Variants in FOSB observed in about 807,000 individuals in gnomAD.
The protein encoded by FOSB is protein FosB.
FOSB carries 8 observed loss-of-function variants against 31.1 expected under a neutral mutation model. The ratio of observed to expected loss-of-function variants is 0.26; its 90% CI spans 0.15 to 0.46. The LOEUF (loss-of-function observed/expected upper bound fraction) is 0.46. Ranked by LOEUF, FOSB falls within the 20% of genes least tolerant of loss-of-function variation. The pLI is 0.99. For synonymous variants in FOSB, 214 were observed against 206.1 expected (o/e 1.04, Z -0.33); for missense variants, 376 against 460.6 (o/e 0.82, Z 1.68).
Position 45,468,404 on chromosome 19 carries a change from G to A in FOSB, c.-183G>A, listed in dbSNP as rs1967493696. On this transcript the variant is annotated 5_prime_UTR_variant, in exon 1 of 4. Transcript: ENST00000353609. This position sits in a 1 kb window ranked among gnomAD's most constrained non-coding sequence, Gnocchi z 4.8. The stretch of plus-strand genomic sequence containing the variant: ...AAGACTGCACAGAAACTTTGCCATT[G>A]TTGGAACGGGACGTTGCTCCTTCCC... 3.0e-6 allele frequency: 2 copies of A among 656,514 alleles called. No individual in the cohort carries two copies. Among genetic ancestry groups the A allele is most frequent in the East Asian group, 5.5e-5 (2 of 36,622 alleles). The allele number at this position is 656,514 out of a possible 1,614,324, so 40.7% of individuals were successfully genotyped here.
rs1388551773 is a variant in FOSB at position 45,470,915 on chromosome 19, C to T, written c.413C>T (p.Ala138Val). 6.2e-7 allele frequency: 1 copy of T among 1,613,300 alleles called. No individual in the cohort carries two copies. The highest frequency in any genetic ancestry group is 2.2e-5 in the East Asian group (1 of 44,880). The change falls in exon 2 of 4, where the codon GCC (alanine) becomes GTC (valine). Residue 138 changes from alanine to valine, a missense_variant. Ala to Val is a moderately conservative substitution (Grantham distance 64). Transcript: ENST00000353609. ...AGTGGGCCTGGGCCTGCCCGCCCAG[C>T]CCGAGCCCGGCCTAGGAGACCCCGA... is the stretch of plus-strand genomic sequence containing the variant. ...TTSGPGPARP[A>V]RARPRRPREE... is the part of the protein sequence containing the mutation.
chr19:45,471,562 T>A, intron 3 of FOSB: 1 of 334,226 alleles, frequency 3.0e-6, no homozygotes. Flanking sequence ...AGGGGCCACA[T>A]GGGGCCCTTG....
intron 1 of FOSB, chr19:45,469,829 G>A (rs973169725): frequency 6.6e-6 from 1 of 152,502 alleles, no homozygotes; most frequent in Non-Finnish European, 1.5e-5. Flanking sequence ...GGGTTCCCAG[G>A]ACTCTGATTG....
At chr19:45,471,118 G>A in intron 2 of FOSB, 76 bp from the exon 3 acceptor site, 1 of 1,421,504 alleles carries the variant, frequency 7.0e-7, no homozygotes, top group Non-Finnish European at 9.7e-7. Context: ...TGGGGGTTCT[G>A]AAAGAAGTAG....
chr19:45,473,113 G>T lies in FOSB; in HGVS notation c.*101G>T, dbSNP rs1967740548. On this transcript the variant is annotated 3_prime_UTR_variant, in exon 4 of 4. Transcript: ENST00000353609. ...GAGAGAGAGGGGAAGAGACAAAGTG[G>T]GTGTGTGGCCTCCCTGGCTCCTCCG... The T allele has an allele frequency of 2.7e-6, 3 of 1,127,324 alleles. No homozygotes were observed. Among genetic ancestry groups the T allele is most frequent in the African/African-American group, 1.5e-5 (1 of 65,248 alleles). 69.8% of individuals were successfully genotyped at this position (1,127,324 alleles called of 1,614,324 possible).
chr19:45,470,978 G>C, intron 2 of FOSB, 29 bp downstream of exon 2: 1 of 1,604,636 alleles, frequency 6.2e-7, no homozygotes, highest in Non-Finnish European at 8.5e-7. Context: ...AACTTGGCCT[G>C]GGTAGGGGGA....
At position 45,471,177 on chromosome 19, in the gene FOSB, C is replaced by T. The variant is rs757024921; in HGVS notation, c.448-17C>T. The T allele has an allele frequency of 2.6e-6, 4 of 1,551,500 alleles. No homozygotes were observed. Among genetic ancestry groups the T allele is most frequent in the Non-Finnish European group, 3.5e-6 (4 of 1,145,738 alleles). ...GCTGTATCCCCAAATCTCATGGCCT[C>T]TATCTCCCTGACTCAGCTCACCCCA... On this transcript the variant is annotated splice_polypyrimidine_tract_variant and intron_variant, in intron 2 of 3. Coordinates refer to ENST00000353609, the MANE Select transcript of FOSB (RefSeq NM_006732.3).
chr19:45,468,557 G>A lies in FOSB; in HGVS notation c.-30G>A. ...CTTGGCTTCCCGGCGACCTCAGCGTGGTCACAGGGGCCCCCCTGTGCCCAG... is the reference window on the plus strand; with the variant it reads ...CTTGGCTTCCCGGCGACCTCAGCGTAGTCACAGGGGCCCCCCTGTGCCCAG... On this transcript the variant is annotated 5_prime_UTR_variant, in exon 1 of 4. Transcript: ENST00000353609. This position sits in a 1 kb window ranked among gnomAD's most constrained non-coding sequence, Gnocchi z 4.8. The A allele has an allele frequency of 6.3e-7, 1 of 1,587,460 alleles. No homozygotes were observed. Among genetic ancestry groups the A allele is most frequent in the Non-Finnish European group, 8.5e-7 (1 of 1,170,664 alleles).
At chr19:45,470,406 G>T in intron 1 of FOSB, 3 of 555,476 alleles carry the variant, frequency 5.4e-6, no homozygotes, top group Non-Finnish European at 6.4e-6. Flanking sequence ...CGAGGAAGAA[G>T]GAGGAGGTAG....
intron 1 of FOSB, among the ~76,000 whole-genome samples, chr19:45,469,287 C>T (rs937472766): frequency 6.6e-6 from 1 of 152,204 alleles, no homozygotes; most frequent in African/African-American, 2.4e-5. Context: ...GCACGCACGG[C>T]GCGCGGCGCC....
chr19:45,471,082 G>A lies in FOSB; in HGVS notation c.448-112G>A, dbSNP rs1305365221. The A allele has an allele frequency of 3.7e-6, 5 of 1,342,016 alleles. No homozygotes were observed. In the African/African-American group the frequency reaches 5.8e-5, roughly 16 times the overall value. 83.1% of individuals were successfully genotyped at this position (1,342,016 alleles called of 1,614,324 possible). ...CCCAAGATCCTTGCTACACGAGCGA[G>A]GACCGGAGGCTTGTTTTTTGGCTCT... On this transcript the variant is annotated intron_variant, in intron 2 of 3. Coordinates refer to ENST00000353609, the MANE Select transcript of FOSB (RefSeq NM_006732.3).
chr19:45,471,161 C>T, intron 2 of FOSB, 33 bp from the exon 3 acceptor site: 1 of 1,534,210 alleles, frequency 6.5e-7, no homozygotes, highest in Non-Finnish European at 8.8e-7. Flanking sequence ...TGCTGTATCC[C>T]CAAATCTCAT....
chr19:45,471,519 A>G, intron 3 of FOSB: 1 of 313,678 alleles, frequency 3.2e-6, no homozygotes, highest in Non-Finnish European at 5.4e-6. Context: ...TCCTGACCCC[A>G]CGGACTACTC....
At chr19:45,470,121 C>T (rs1967591190) in intron 1 of FOSB, 1 of 161,674 alleles carries the variant, frequency 6.2e-6, no homozygotes, top group Non-Finnish European at 1.4e-5. Flanking sequence ...CCCCAAACAC[C>T]CTTTTGACTG....
At position 45,472,896 on chromosome 19, in the gene FOSB, ACTT is replaced by A; in HGVS notation, c.906_908del (p.Ser303del). ...CTTCCCCGTTGTTAACCCTTCGTAC[ACTT>A]CTTCGTTTGTCCTCACCTGCCCGGA... is the stretch of plus-strand genomic sequence containing the variant. On this transcript the variant is annotated inframe_deletion, in exon 4 of 4. Transcript: ENST00000353609. This position sits in a 1 kb window ranked among gnomAD's most constrained non-coding sequence, Gnocchi z 5.4. The A allele has an allele frequency of 6.2e-7, 1 of 1,613,840 alleles. No individual in the cohort carries two copies. Among genetic ancestry groups the A allele is most frequent in the Non-Finnish European group, 8.5e-7 (1 of 1,179,964 alleles).
intron 3 of FOSB, chr19:45,471,529 C>T: frequency 2.7e-6 from 1 of 369,476 alleles, no homozygotes; most frequent in Non-Finnish European, 4.9e-6. Context: ...ACGGACTACT[C>T]TCCTAGCCTT....
At position 45,468,619 on chromosome 19, in the gene FOSB, C is replaced by T. The variant is rs776424714; in HGVS notation, c.33C>T (p.Ser11=). The T allele has an allele frequency of 3.1e-6, 5 of 1,613,290 alleles. No individual in the cohort carries two copies. Among genetic ancestry groups the T allele is most frequent in the Non-Finnish European group, 3.4e-6 (4 of 1,179,796 alleles). MFQAFPGDYD[S]GSRCSSSPSA... ...AGGCTTTCCCCGGAGACTACGACTC[C>T]GGCTCCCGGTGCAGCTCCTCACCCT... The change falls in exon 1 of 4, where the codon TCC becomes TCT. Residue 11 remains serine, a synonymous_variant. Transcript: ENST00000353609. The surrounding 1 kb of genome is among the most constrained non-coding windows in gnomAD (Gnocchi z 4.8).
In FOSB at chr19:45,468,676, C is replaced by A. The variant is rs767123321; in HGVS notation, c.90C>A (p.Asp30Glu). Reference protein sequence around the residue: ...SAESQYLSSVDSFGSPPTAAA... With the variant: ...SAESQYLSSVESFGSPPTAAA... ...AGTCTCAATATCTGTCTTCGGTGGA[C>A]TCCTTCGGCAGTCCACCCACCGCCG... The change falls in exon 1 of 4, where the codon GAC becomes GAA. Residue 30 changes from aspartate to glutamate, a missense_variant. Transcript: ENST00000353609. The surrounding 1 kb of genome is among the most constrained non-coding windows in gnomAD (Gnocchi z 4.8). 6.2e-7 allele frequency: 1 copy of A among 1,612,248 alleles called. No homozygotes were observed. The highest frequency in any genetic ancestry group is 1.7e-5 in the Admixed American group (1 of 59,436).
chr19:45,471,184 C>A lies in FOSB; in HGVS notation c.448-10C>A. Reference sequence around the variant, plus strand: ...CCCCAAATCTCATGGCCTCTATCTCCCTGACTCAGCTCACCCCAGAGGAAG... The same window carrying A: ...CCCCAAATCTCATGGCCTCTATCTCACTGACTCAGCTCACCCCAGAGGAAG... On this transcript the variant is annotated splice_polypyrimidine_tract_variant and intron_variant, in intron 2 of 3. Transcript: ENST00000353609. 1 of 1,554,872 alleles carries A rather than the reference C, an allele frequency of 6.4e-7. No homozygotes were observed. The highest frequency in any genetic ancestry group is 1.4e-5 in the African/African-American group (1 of 73,338).
Sources: gnomAD v4.1 joint callset for allele counts (sites outside exome capture counted in the v4.1 genomes callset) on GRCh38, gnomAD v4.1.1 for gene constraint, Gnocchi (gnomAD v3.1) non-coding constraint, MANE v1.5 for transcripts, NCBI Gene and HGNC (gene_info 2026-07-23, HGNC 2026-07-21) for gene names.